The following SLC25A24 variants were observed in gnomAD, a reference collection of about 807,000 sequenced individuals.
The protein encoded by SLC25A24 is mitochondrial adenyl nucleotide antiporter SLC25A24.
Under a neutral mutation model 60.7 loss-of-function variants are expected in SLC25A24, and 49 were observed. That is an observed-to-expected ratio of 0.81 (90% confidence interval 0.64 to 1.02). SLC25A24 has a LOEUF of 1.02. SLC25A24 is among the 50% of genes least tolerant of loss of function. The pLI is 0.00. For synonymous variants in SLC25A24, 202 were observed against 200.6 expected, an observed-to-expected ratio of 1.01 and a Z score of -0.06; for missense variants, 564 against 586.3, an observed-to-expected ratio of 0.96 and a Z score of 0.39.
At chr1:108,158,248 C>A (rs909243144) in intron 4 of SLC25A24, among the ~76,000 whole-genome samples, 1 of 152,210 alleles carries the variant, frequency 6.6e-6, no homozygotes, top group South Asian at 2.1e-4. Context: ...CAAATCATCA[C>A]CCCTTCAACC....
chr1:108,169,783 C>A (rs1251705565), intron 3 of SLC25A24, among the ~76,000 whole-genome samples: 3 of 152,074 alleles, frequency 2.0e-5, no homozygotes, highest in Non-Finnish European at 4.4e-5. Flanking sequence ...TCATTCAGTC[C>A]CAGTAAGTTA....
At chr1:108,157,147 T>C (rs1282645255) in intron 5 of SLC25A24, among the ~76,000 whole-genome samples, 1 of 152,172 alleles carries the variant, frequency 6.6e-6, no homozygotes, top group African/African-American at 2.4e-5. Flanking sequence ...ATAAAGTATA[T>C]TAAAAAGAAG....
At chr1:108,192,098 A>G (rs1648360050) in intron 1 of SLC25A24, among the ~76,000 whole-genome samples, 1 of 137,966 alleles carries the variant, frequency 7.2e-6, no homozygotes, top group Non-Finnish European at 1.6e-5. Context: ...AAAATTTCCA[A>G]TCACCACCCC....
chr1:108,154,661 A>C (rs1246392304), intron 6 of SLC25A24, among the ~76,000 whole-genome samples: 2 of 152,188 alleles, frequency 1.3e-5, no homozygotes, highest in Admixed American at 6.5e-5. Context: ...AGATTGTGAC[A>C]CTTTCATAAA....
intron 3 of SLC25A24, among the ~76,000 whole-genome samples, chr1:108,173,532 C>T (rs888407309): frequency 7.2e-5 from 11 of 152,078 alleles, no homozygotes; most frequent in African/African-American, 2.4e-4. Flanking sequence ...TTTATAGCAG[C>T]GTGAGAATGA....
chr1:108,148,239 C>G (rs368499458), intron 7 of SLC25A24, 40 bp downstream of exon 7: 6 of 1,204,812 alleles, frequency 5.0e-6, no homozygotes, highest in Non-Finnish European at 7.4e-6. Flanking sequence ...ACAACCAACA[C>G]GAACACCATC....
At chr1:108,155,993 C>T (rs1216120479) in intron 5 of SLC25A24, among the ~76,000 whole-genome samples, 1 of 150,134 alleles carries the variant, frequency 6.7e-6, no homozygotes, top group Non-Finnish European at 1.5e-5. Context: ...ACTCACAGAA[C>T]GGGTTGAATT....
At position 108,163,947 on chromosome 1, in the gene SLC25A24, T is replaced by C. The variant is rs530566319; in HGVS notation, c.399-2654A>G. Among the ~76,000 whole-genome samples the C allele has an allele frequency of 2.4e-4, 37 of 152,378 alleles. No individual in the cohort carries two copies. In the South Asian group the frequency reaches 7.7e-3, roughly 32 times the overall value. ...GTGGGTTTGTCATAGATAGCTGTTATTATTTTGAGATACATCCCATCAATA... is the reference window on the plus strand; with the variant it reads ...GTGGGTTTGTCATAGATAGCTGTTACTATTTTGAGATACATCCCATCAATA... On this transcript the variant is annotated intron_variant, in intron 3 of 9. Coordinates refer to ENST00000565488, the MANE Select transcript of SLC25A24 (RefSeq NM_013386.5).
chr1:108,187,015 T>C (rs1163174902), intron 1 of SLC25A24, among the ~76,000 whole-genome samples: 1 of 150,906 alleles, frequency 6.6e-6, no homozygotes, highest in Non-Finnish European at 1.5e-5. Context: ...AGGTGGAGGT[T>C]GCTGTGAGCC....
intron 7 of SLC25A24, among the ~76,000 whole-genome samples, chr1:108,144,271 C>G (rs906369458): frequency 6.6e-5 from 10 of 152,146 alleles, no homozygotes; most frequent in African/African-American, 2.4e-4. Flanking sequence ...AAAAACCCCT[C>G]TGCTATATCA....
chr1:108,148,244 A>T, intron 7 of SLC25A24, 35 bp downstream of exon 7: 1 of 1,235,896 alleles, frequency 8.1e-7, no homozygotes, highest in Non-Finnish European at 1.2e-6. Context: ...CAACACGAAC[A>T]CCATCACACA....
At chr1:108,173,924 T>C (rs894171483) in intron 3 of SLC25A24, among the ~76,000 whole-genome samples, 5 of 152,162 alleles carry the variant, frequency 3.3e-5, no homozygotes, top group African/African-American at 1.2e-4. Flanking sequence ...TGTGGAACTT[T>C]GAACCTAAGA....
intron 4 of SLC25A24, among the ~76,000 whole-genome samples, chr1:108,160,257 G>A (rs555958206): frequency 1.0e-4 from 15 of 150,706 alleles, no homozygotes; most frequent in South Asian, 8.4e-4. Flanking sequence ...GGGCAGAGGC[G>A]CTCCCCACAT....
At chr1:108,152,865 G>C (rs183330485) in intron 6 of SLC25A24, among the ~76,000 whole-genome samples, 2 of 152,314 alleles carry the variant, frequency 1.3e-5, no homozygotes, top group African/African-American at 4.8e-5. Flanking sequence ...AAGGAAACTA[G>C]AACAGAAGGC....
intron 3 of SLC25A24, among the ~76,000 whole-genome samples, chr1:108,166,105 A>C (rs1680245562): frequency 6.6e-6 from 1 of 152,158 alleles, no homozygotes; most frequent in African/African-American, 2.4e-5. Flanking sequence ...TTTCTTTAAG[A>C]ATGTTGAATA....
intron 3 of SLC25A24, among the ~76,000 whole-genome samples, chr1:108,177,394 T>C (rs1353552826): frequency 6.6e-6 from 1 of 152,034 alleles, no homozygotes; most frequent in African/African-American, 2.4e-5. Context: ...AGCAAAATGG[T>C]AGTACAAAGT....
chr1:108,166,707 C>T (rs1463231011), intron 3 of SLC25A24, among the ~76,000 whole-genome samples: 2 of 152,004 alleles, frequency 1.3e-5, no homozygotes, highest in Non-Finnish European at 1.5e-5. Flanking sequence ...ACATTTTTTT[C>T]AAAGTTTTCA....
intron 8 of SLC25A24, among the ~76,000 whole-genome samples, chr1:108,142,156 C>G (rs532954025): frequency 1.3e-5 from 2 of 152,188 alleles, no homozygotes; most frequent in South Asian, 4.2e-4. Context: ...AAAACTGGAA[C>G]CTTTGTATGT....
At chr1:108,199,752 T>C (rs1259643425) in intron 1 of SLC25A24, 4 of 594,764 alleles carry the variant, frequency 6.7e-6, no homozygotes, top group Non-Finnish European at 1.2e-5. Context: ...ACCAGTAGAC[T>C]TTCGTATTAT....
Sources: gnomAD v4.1 joint callset for allele counts (sites outside exome capture counted in the v4.1 genomes callset) on GRCh38, gnomAD v4.1.1 for gene constraint, MANE v1.5 for transcripts, NCBI Gene and HGNC (gene_info 2026-07-23, HGNC 2026-07-21) for gene names.